The following GNL3 variants were observed in gnomAD, a reference collection of about 807,000 sequenced individuals.
GNL3 encodes guanine nucleotide-binding protein-like 3.
Under a neutral mutation model 70.6 loss-of-function variants are expected in GNL3, and 77 were observed. The observed-to-expected ratio is 1.09, with a 90% CI of 0.91 to 1.32. The LOEUF is 1.32. GNL3 is among the 40% of genes most tolerant of loss of function. GNL3 has a pLI of 0.00. For synonymous variants in GNL3, 252 were observed against 216.1 expected, an observed-to-expected ratio of 1.17 and a Z score of -1.46; for missense variants, 634 against 644.0, an observed-to-expected ratio of 0.98 and a Z score of 0.17.
At chr3:52,691,763 C>T (rs1362540566) in intron 9 of GNL3, 134 bp downstream of exon 9, 22 of 611,132 alleles carry the variant, frequency 3.6e-5, no homozygotes, top group African/African-American at 2.1e-4. Context: ...AGGGCAATGG[C>T]GCAATCTCGG....
chr3:52,691,652 G>A (rs1324309887), intron 9 of GNL3, 23 bp downstream of exon 9: 9 of 1,178,960 alleles, frequency 7.6e-6, no homozygotes, highest in South Asian at 1.2e-5. Context: ...GTCCATAATT[G>A]TAATATTATA....
Position 52,694,100 on chromosome 3 carries a change from G to A in GNL3, c.1564G>A (p.Ala522Thr). The change falls in exon 14 of 15, where the codon GCA (alanine) becomes ACA (threonine). Residue 522 changes from alanine to threonine, a missense_variant. Physicochemically the swap from Ala to Thr is moderately conservative, Grantham distance 58. Coordinates refer to ENST00000418458, the MANE Select transcript of GNL3 (RefSeq NM_014366.5). ...GGAGGCACTGTCTGAGGAGACTACA[G>A]CAGGTGAGGCAGGCAAAAGGGGTTC... ...TGEALSEETTAGEQSTRSFIL... is the reference protein window; with the variant it reads ...TGEALSEETTTGEQSTRSFIL... 6.2e-7 allele frequency: 1 copy of A among 1,610,702 alleles called. No homozygotes were observed. The highest frequency in any genetic ancestry group is 8.5e-7 in the Non-Finnish European group (1 of 1,176,828).
At chr3:52,687,406 T>C in intron 3 of GNL3, 23 bp downstream of exon 3, 1 of 1,612,132 alleles carries the variant, frequency 6.2e-7, no homozygotes, top group Admixed American at 1.7e-5. Context: ...AGCCAGAATT[T>C]TCATTGAGTG....
intron 6 of GNL3, among the ~76,000 whole-genome samples, chr3:52,689,906 T>C (rs1255453689): frequency 6.6e-6 from 1 of 152,178 alleles, no homozygotes; most frequent in Non-Finnish European, 1.5e-5. Context: ...GAGCCGATAC[T>C]GTGCCACTGC....
intron 6 of GNL3, 152 bp downstream of exon 6, chr3:52,689,358 A>C: frequency 1.3e-6 from 1 of 791,802 alleles, no homozygotes. Context: ...GGCAGTGGGG[A>C]GCCAGGTGAC....
intron 6 of GNL3, 48 bp from the exon 7 acceptor site, chr3:52,690,544 T>G: frequency 3.8e-6 from 4 of 1,051,416 alleles, no homozygotes; most frequent in Non-Finnish European, 6.0e-6. Flanking sequence ...ATTACAGGCG[T>G]GAGCCACCGT....
At chr3:52,690,551 C>T (rs767581613) in intron 6 of GNL3, 41 bp from the exon 7 acceptor site, 20 of 1,165,570 alleles carry the variant, frequency 1.7e-5, no homozygotes, top group South Asian at 7.3e-5. Flanking sequence ...GCGTGAGCCA[C>T]CGTGCCTGGC....
At chr3:52,686,020 G>C (rs886518137), upstream of GNL3, 2 of 811,316 alleles carry the variant, frequency 2.5e-6, no homozygotes, top group Non-Finnish European at 2.2e-6. Context: ...CGTGACGCTC[G>C]TCAGTGGCTT....
intron 4 of GNL3, chr3:52,687,905 T>G: frequency 1.7e-6 from 1 of 597,974 alleles, no homozygotes; most frequent in African/African-American, 1.9e-5. Context: ...TGGGCTGTTG[T>G]GCCTGGCTGA....
rs1345609289 is a variant in GNL3, at chr3:52,694,097, A to G, written c.1561A>G (p.Thr521Ala). Residue 521 changes from threonine to alanine, a missense_variant, in exon 14 of 15, where the codon ACA becomes GCA. Thr to Ala is a moderately conservative substitution (Grantham distance 58). Transcript: ENST00000418458. ...AGGGGAGGCACTGTCTGAGGAGACT[A>G]CAGCAGGTGAGGCAGGCAAAAGGGG... Reference protein sequence around the residue: ...ETGEALSEETTAGEQSTRSFI... With the variant: ...ETGEALSEETAAGEQSTRSFI... 2 of 1,612,502 alleles carry G rather than the reference A, an allele frequency of 1.2e-6. No individual in the cohort carries two copies. Among genetic ancestry groups the G allele is most frequent in the Non-Finnish European group, 1.7e-6 (2 of 1,178,442 alleles).
intron 8 of GNL3, 71 bp downstream of exon 8, chr3:52,691,142 G>C: frequency 2.2e-6 from 3 of 1,372,816 alleles, no homozygotes; most frequent in Non-Finnish European, 2.1e-6. Flanking sequence ...AGCTCTCCAA[G>C]TGCCCAAGCA....
At chr3:52,693,606 T>C in intron 12 of GNL3, 26 bp from the exon 13 acceptor site, 1 of 1,613,882 alleles carries the variant, frequency 6.2e-7, no homozygotes. Flanking sequence ...TCTTACCTGT[T>C]TACATGGGCT....
chr3:52,691,040 T>C lies in GNL3; in HGVS notation c.750T>C (p.Thr250=). 6.2e-7 allele frequency: 1 copy of C among 1,613,994 alleles called. No homozygotes were observed. Among genetic ancestry groups the C allele is most frequent in the Non-Finnish European group, 8.5e-7 (1 of 1,179,852 alleles). ...AACTTCTTGGAGGTTTTCAGGAAAC[T>C]TGCAGCAAAGCCATTCGGGTTGGAG... ...LWKLLGGFQE[T]CSKAIRVGVI... is the part of the protein sequence containing the mutation. The change falls in exon 8 of 15, where the codon ACT becomes ACC. Residue 250 remains threonine, a synonymous_variant. Coordinates refer to ENST00000418458, the MANE Select transcript of GNL3 (RefSeq NM_014366.5).
Position 52,694,421 on chromosome 3 carries a change from T to A in GNL3, c.*146T>A. 1 of 588,246 alleles carries A rather than the reference T, an allele frequency of 1.7e-6. No individual in the cohort carries two copies. Among genetic ancestry groups the A allele is most frequent in the South Asian group, 2.3e-5 (1 of 44,086 alleles). 36.4% of individuals were successfully genotyped at this position (588,246 alleles called of 1,614,324 possible). On this transcript the variant is annotated 3_prime_UTR_variant, in exon 15 of 15. Coordinates refer to ENST00000418458, the MANE Select transcript of GNL3 (RefSeq NM_014366.5). ...ACCAGGCAACTTGGAATCCCTAAATTCTGTAAAAAGACAATTCATCTCATT... is the reference window on the plus strand; with the variant it reads ...ACCAGGCAACTTGGAATCCCTAAATACTGTAAAAAGACAATTCATCTCATT...
At position 52,693,766 on chromosome 3, in the gene GNL3, G is replaced by A; in HGVS notation, c.1459G>A (p.Asp487Asn). ...AAGGAAGCAGGAGGAGAGGGAGGAT[G>A]ACAAAGACAGTGACCAGGAAACTGT... ...KERKQEERED[D>N]KDSDQETVDE... The change falls in exon 13 of 15, where the codon GAC (aspartate) becomes AAC (asparagine). Residue 487 changes from aspartate to asparagine, a missense_variant. Physicochemically the swap from Asp to Asn is conservative, Grantham distance 23 (BLOSUM62 1). Coordinates refer to ENST00000418458, the MANE Select transcript of GNL3 (RefSeq NM_014366.5). 6.2e-7 allele frequency: 1 copy of A among 1,614,132 alleles called. No homozygotes were observed. Among genetic ancestry groups the A allele is most frequent in the Non-Finnish European group, 8.5e-7 (1 of 1,179,978 alleles).
rs927185951 is a variant in GNL3, at chr3:52,690,674, A to T, written c.624A>T (p.Thr208=). 4.4e-6 allele frequency: 7 copies of T among 1,601,862 alleles called. No homozygotes were observed. Among genetic ancestry groups the T allele is most frequent in the Non-Finnish European group, 6.0e-6 (7 of 1,168,880 alleles). ...CAACAGTGGTGTTCAGAGCCTCAAC[A>T]AAACCAAAGGATAAAGGGAAGATAA... ...ELPTVVFRAS[T]KPKDKGKITK... The change falls in exon 7 of 15, where the codon ACA becomes ACT. Residue 208 remains threonine, a synonymous_variant. Coordinates refer to ENST00000418458, the MANE Select transcript of GNL3 (RefSeq NM_014366.5).
chr3:52,691,471 T>G, intron 8 of GNL3, 71 bp from the exon 9 acceptor site: 1 of 886,912 alleles, frequency 1.1e-6, no homozygotes, highest in Non-Finnish European at 1.9e-6. Flanking sequence ...AAATGGAAAA[T>G]TAGGCAGTGA....
rs879406792 is a variant in GNL3 at position 52,686,100 on chromosome 3, G to A, written c.8G>A (p.Arg3Lys). 3.3e-6 allele frequency: 5 copies of A among 1,513,224 alleles called. No individual in the cohort carries two copies. The highest frequency in any genetic ancestry group is 4.6e-6 in the Non-Finnish European group (5 of 1,087,728). The allele number at this position is 1,513,224 out of a possible 1,614,324, so 93.7% of individuals were successfully genotyped here. The change falls in exon 1 of 15, where the codon AGG becomes AAG. Residue 3 changes from arginine to lysine, a missense_variant. Coordinates refer to ENST00000418458, the MANE Select transcript of GNL3 (RefSeq NM_014366.5). MKRPKLKKASKRM... is the reference protein window; with the variant it reads MKKPKLKKASKRM... The stretch of plus-strand genomic sequence containing the variant: ...CTTCCTTCTACAGCCAATATGAAAA[G>A]GCCTAGTAAGTGGGGTCGGGAGGCG...
rs760161150 is a variant in GNL3, at chr3:52,687,295, A to T, written c.122A>T (p.His41Leu). Residue 41 changes from histidine to leucine, a missense_variant, in exon 3 of 15, where the codon CAC becomes CTC. His to Leu is a moderately conservative substitution (Grantham distance 99). Transcript: ENST00000418458. ...KLRKEAKKRG[H>L]KKPRKDPGVP... is the part of the protein sequence containing the mutation. The stretch of plus-strand genomic sequence containing the variant: ...AGAAAGGAGGCTAAAAAGCGGGGTC[A>T]CAAGAAGCCTAGGAAAGACCCAGGA... 1 of 1,613,202 alleles carries T rather than the reference A, an allele frequency of 6.2e-7. No homozygotes were observed. Among genetic ancestry groups the T allele is most frequent in the African/African-American group, 1.3e-5 (1 of 75,058 alleles).
Sources: gnomAD v4.1 joint callset for allele counts (sites outside exome capture counted in the v4.1 genomes callset) on GRCh38, gnomAD v4.1.1 for gene constraint, MANE v1.5 for transcripts, NCBI Gene and HGNC (gene_info 2026-07-23, HGNC 2026-07-21) for gene names.